MYT1L: variants seen among roughly 807,000 people sequenced by gnomAD.
MYT1L encodes myelin transcription factor 1 like, also known as myelin transcription factor 1-like protein.
MYT1L carries 12 observed loss-of-function variants against 126.7 expected under a neutral mutation model. The observed-to-expected ratio is 0.09, with a 90% CI of 0.06 to 0.15. The LOEUF is 0.15. Ranked by LOEUF, MYT1L falls within the 10% of genes least tolerant of loss-of-function variation. The pLI is 1.00. For missense variants in MYT1L, 979 were observed against 1,585.2 expected (o/e 0.62, Z 6.49); for synonymous variants, 541 against 604.2 (o/e 0.90, Z 1.53).
chr2:2,256,433 C>A (rs2094815301), intron 2 of MYT1L, among the ~76,000 whole-genome samples: 2 of 152,234 alleles, frequency 1.3e-5, no homozygotes, highest in Non-Finnish European at 2.9e-5. Context: ...CATATCCTCA[C>A]AATTCCGTAT....
chr2:1,870,509 C>T (rs556667310), intron 18 of MYT1L, among the ~76,000 whole-genome samples: 1 of 152,234 alleles, frequency 6.6e-6, no homozygotes, highest in African/African-American at 2.4e-5. Context: ...TGGAAATGGC[C>T]CAGTCTTGCC....
At chr2:2,301,252 CTCTG>C (rs2095780204) in intron 1 of MYT1L, among the ~76,000 whole-genome samples, 1 of 152,170 alleles carries the variant, frequency 6.6e-6, no homozygotes, top group Non-Finnish European at 1.5e-5. Flanking sequence ...CTGCCTCTGT[CTCTG>C]TCTTTTTTCC....
At chr2:2,146,206 C>T (rs2084854928) in intron 3 of MYT1L, among the ~76,000 whole-genome samples, 1 of 152,164 alleles carries the variant, frequency 6.6e-6, no homozygotes, top group South Asian at 2.1e-4. Flanking sequence ...TGCAATTTGA[C>T]TTAGTTATAA....
chr2:2,321,166 C>A (rs2096157901), intron 1 of MYT1L, among the ~76,000 whole-genome samples: 1 of 152,164 alleles, frequency 6.6e-6, no homozygotes, highest in Non-Finnish European at 1.5e-5. Flanking sequence ...CTGTGCCTGG[C>A]CCTCAAGACA....
Position 1,916,474 on chromosome 2 carries a change from C to T in MYT1L, c.1618+731G>A, listed in dbSNP as rs189754392. Among the ~76,000 whole-genome samples, 500 of 152,278 alleles carry T rather than the reference C, an allele frequency of 3.3e-3. 5 individuals carry two copies. Among genetic ancestry groups the T allele is most frequent in the African/African-American group, 0.012 (483 of 41,534 alleles). ...TCTGAGAATGTGTCTTTTCCCTGAA[C>T]CATCAATTCTAGCTGCGGTATTTAA... On this transcript the variant is annotated intron_variant, in intron 11 of 24. Transcript: ENST00000647738.
intron 2 of MYT1L, among the ~76,000 whole-genome samples, chr2:2,207,546 C>T (rs2093361773): frequency 6.6e-6 from 1 of 152,152 alleles, no homozygotes; most frequent in Non-Finnish European, 1.5e-5. Context: ...ATTCATCAAA[C>T]GCTGTACCTT....
At chr2:2,136,736 T>C (rs2083105288) in intron 3 of MYT1L, among the ~76,000 whole-genome samples, 1 of 152,294 alleles carries the variant, frequency 6.6e-6, no homozygotes. Flanking sequence ...TTGTTTATAC[T>C]GAATTGGCAT....
At chr2:2,049,681 A>G (rs1000297472) in intron 4 of MYT1L, among the ~76,000 whole-genome samples, 2 of 152,214 alleles carry the variant, frequency 1.3e-5, no homozygotes, top group East Asian at 1.9e-4. Context: ...AGATAAATGA[A>G]TCATGGGGAA....
chr2:1,834,380 T>A (rs1307047331), intron 21 of MYT1L, among the ~76,000 whole-genome samples: 1 of 152,246 alleles, frequency 6.6e-6, no homozygotes, highest in Admixed American at 6.5e-5. Flanking sequence ...CTTAGCTGTG[T>A]TCTTGCTGGG....
At chr2:2,025,020 C>A (rs536107732) in intron 4 of MYT1L, among the ~76,000 whole-genome samples, 13 of 152,244 alleles carry the variant, frequency 8.5e-5, no homozygotes, top group Non-Finnish European at 1.9e-4. Context: ...GTTTTTATTG[C>A]CCCCACTGCA....
chr2:2,012,721 A>C (rs145750181), intron 4 of MYT1L, among the ~76,000 whole-genome samples: 32 of 152,280 alleles, frequency 2.1e-4, no homozygotes, highest in African/African-American at 7.0e-4. Flanking sequence ...TGGGACATGA[A>C]TCATTCCTTT....
At chr2:2,322,591 C>T (rs903658191) in intron 1 of MYT1L, among the ~76,000 whole-genome samples, 24 of 150,518 alleles carry the variant, frequency 1.6e-4, no homozygotes, top group Non-Finnish European at 3.1e-4. Flanking sequence ...CAATTTTGAC[C>T]CTAAAAAAAA....
At chr2:1,828,651 G>GA (rs1291881247) in intron 21 of MYT1L, 1 of 152,198 alleles carries the variant, frequency 6.6e-6, no homozygotes, top group Non-Finnish European at 1.5e-5. Context: ...TAAATGAGAT[G>GA]ACTGATTTAA....
At chr2:2,040,050 C>A (rs1279716658) in intron 4 of MYT1L, among the ~76,000 whole-genome samples, 1 of 152,152 alleles carries the variant, frequency 6.6e-6, no homozygotes, top group African/African-American at 2.4e-5. Flanking sequence ...TGGACTCTTG[C>A]ACAACATCCC....
chr2:2,058,379 C>T (rs1006448285), intron 3 of MYT1L, among the ~76,000 whole-genome samples: 2 of 152,096 alleles, frequency 1.3e-5, no homozygotes, highest in South Asian at 2.1e-4. Context: ...CTTGTCTTTT[C>T]GTTGTCTTAA....
rs1398983055 is a variant in MYT1L at position 1,922,724 on chromosome 2, T to A, written c.1045A>T (p.Arg349Trp). Residue 349 changes from arginine (R) to tryptophan (W), a missense_variant, in exon 10 of 25, where the codon AGG becomes TGG. Transcript: ENST00000647738. The surrounding 1 kb of genome is among the most constrained non-coding windows in gnomAD (Gnocchi z 7.4). ...ATGTTCATGTTCTGCTGCGGATTCC[T>A]CTCCTGCGGGTTGGTCTCACTGAGC... ...RKLSETNPQE[R>W]NPQQNMNIRQ... 1.2e-6 allele frequency: 2 copies of A among 1,613,770 alleles called. No individual in the cohort carries two copies. Among genetic ancestry groups the A allele is most frequent in the African/African-American group, 2.7e-5 (2 of 74,890 alleles).
At chr2:2,244,692 G>A (rs1006605609) in intron 2 of MYT1L, among the ~76,000 whole-genome samples, 4 of 152,312 alleles carry the variant, frequency 2.6e-5, no homozygotes, top group South Asian at 4.1e-4. Flanking sequence ...TGGAGAAGAG[G>A]GGAAATGGTG....
At chr2:1,977,363 A>G (rs1242429839) in intron 8 of MYT1L, among the ~76,000 whole-genome samples, 3 of 152,250 alleles carry the variant, frequency 2.0e-5, no homozygotes, top group African/African-American at 7.2e-5. Context: ...TACATGGGAC[A>G]CATAAATTCA....
chr2:1,895,049 T>G (rs1348433201), intron 14 of MYT1L, among the ~76,000 whole-genome samples: 2 of 152,156 alleles, frequency 1.3e-5, no homozygotes, highest in Non-Finnish European at 2.9e-5. Flanking sequence ...CCCCAGCATC[T>G]CTATACACCA....
Sources: allele counts gnomAD v4.1 joint callset (sites outside exome capture counted in the v4.1 genomes callset), GRCh38; gene constraint gnomAD v4.1.1; non-coding constraint Gnocchi (gnomAD v3.1); transcripts MANE v1.5; gene names NCBI Gene and HGNC (gene_info 2026-07-23, HGNC 2026-07-21).